The following UIMC1 variants were observed in gnomAD, a reference collection of about 807,000 sequenced individuals.
UIMC1 encodes the protein BRCA1-A complex subunit RAP80.
In UIMC1, 42 loss-of-function variants were observed where a neutral mutation model predicts 84.9. The ratio of observed to expected loss-of-function variants is 0.49; its 90% CI spans 0.39 to 0.64. The LOEUF (loss-of-function observed/expected upper bound fraction) is 0.64, where lower values mean the gene tolerates loss of function less well. UIMC1 is among the 30% of genes least tolerant of loss of function. UIMC1 has a pLI of 0.00. For missense variants in UIMC1, 825 were observed against 847.6 expected (o/e 0.97, Z 0.33); for synonymous variants, 281 against 293.0 (o/e 0.96, Z 0.42).
chr5:176,956,125 A>T, intron 7 of UIMC1, 90 bp from the exon 8 acceptor site: 1 of 1,212,564 alleles, frequency 8.2e-7, no homozygotes, highest in Non-Finnish European at 1.2e-6. Flanking sequence ...ACAAAGCCAC[A>T]GGTAATCACA....
At chr5:176,911,112 GAAGAAAAGAAAAGAAAAGAAAAGAA>G (rs35830185) in intron 11 of UIMC1, among the ~76,000 whole-genome samples, 174 bp downstream of exon 11, 4,294 of 116,912 alleles carry the variant, frequency 0.037, 152 homozygotes, top group African/African-American at 0.084. Context: ...GAGAGAGAGA[GAAGAAAAGAAAAGAAAAGAAAAGAA>G]AAGAAAAGAA....
At chr5:176,978,506 T>A (rs1488514024) in intron 2 of UIMC1, among the ~76,000 whole-genome samples, 1 of 152,084 alleles carries the variant, frequency 6.6e-6, no homozygotes, top group Non-Finnish European at 1.5e-5. Flanking sequence ...AATAATAAGC[T>A]TTCCTTCTCT....
rs1277965402 is a variant in UIMC1, at chr5:176,943,321, T to C, written c.1597+14A>G. 1.9e-6 allele frequency: 3 copies of C among 1,612,280 alleles called. No individual in the cohort carries two copies. Among genetic ancestry groups the C allele is most frequent in the African/African-American group, 2.7e-5 (2 of 74,802 alleles). ...CAAAAAAGTAAGAGTTTGGCTGTCC[T>C]GCTGGGTCTTTACCTGTATCTTCCT... On this transcript the variant is annotated intron_variant, in intron 10 of 14. Transcript: ENST00000511320.
intron 13 of UIMC1, among the ~76,000 whole-genome samples, chr5:176,906,723 G>A (rs943530887): frequency 6.6e-6 from 1 of 152,142 alleles, no homozygotes; most frequent in Non-Finnish European, 1.5e-5. Context: ...CACAGGTTGC[G>A]ACACTAAGAT....
chr5:176,969,302 T>C lies in UIMC1; in HGVS notation c.464-11A>G. On this transcript the variant is annotated splice_polypyrimidine_tract_variant and intron_variant, in intron 5 of 14. Coordinates refer to ENST00000511320, the MANE Select transcript of UIMC1 (RefSeq NM_001199298.2). ...CCAGCTGCCATATGCCTGTAGGTAT[T>C]TGAGAAAAAGTAGGGCTAAGGACAA... 6.3e-7 allele frequency: 1 copy of C among 1,589,300 alleles called. No individual in the cohort carries two copies. Among genetic ancestry groups the C allele is most frequent in the Non-Finnish European group, 8.5e-7 (1 of 1,170,464 alleles).
At chr5:176,923,630 G>A (rs1419056240) in intron 10 of UIMC1, among the ~76,000 whole-genome samples, 3 of 151,720 alleles carry the variant, frequency 2.0e-5, no homozygotes, top group Non-Finnish European at 2.9e-5. Flanking sequence ...TTGGGAGGCT[G>A]AGGCGGACAG....
At chr5:176,924,834 A>G (rs1335359950) in intron 10 of UIMC1, among the ~76,000 whole-genome samples, 1 of 151,910 alleles carries the variant, frequency 6.6e-6, no homozygotes, top group African/African-American at 2.4e-5. Context: ...AGGTCAGGAG[A>G]TCAAGACCAT....
intron 1 of UIMC1, chr5:177,022,397 T>C (rs964422754): frequency 3.9e-6 from 1 of 256,862 alleles, no homozygotes; most frequent in Admixed American, 5.4e-5. Context: ...TCCCTGTGAA[T>C]GAAATGGCGA....
At chr5:176,992,646 A>AT (rs397817427) in intron 1 of UIMC1, among the ~76,000 whole-genome samples, 7 of 149,302 alleles carry the variant, frequency 4.7e-5, no homozygotes, top group East Asian at 3.9e-4. Context: ...AAAAAAAAAA[A>AT]TTTTTTTTAA....
intron 10 of UIMC1, among the ~76,000 whole-genome samples, chr5:176,929,755 A>ACC (rs199763067): frequency 0.012 from 1,802 of 152,316 alleles, 68 homozygotes; most frequent in Admixed American, 0.088. Flanking sequence ...ACACACACAC[A>ACC]AAGTCCTTTT....
chr5:176,974,100 A>G (rs1308447533), intron 3 of UIMC1, among the ~76,000 whole-genome samples: 1 of 152,180 alleles, frequency 6.6e-6, no homozygotes, highest in African/African-American at 2.4e-5. Flanking sequence ...TTAAATTTAT[A>G]TAGGAATGCA....
rs70991588 is a variant in UIMC1, at chr5:176,963,157, TAAAAAAAAAAAAA to T, written c.1201-5016_1201-5004del. On this transcript the variant is annotated intron_variant, in intron 6 of 14. Coordinates refer to ENST00000511320, the MANE Select transcript of UIMC1 (RefSeq NM_001199298.2). ...AAGAATTATCAATAAAAAAATAAATTAAAAAAAAAAAAAAAAAAAAAAAAAAAAAATTCAAAGA... is the reference window on the plus strand; with the variant it reads ...AAGAATTATCAATAAAAAAATAAATTAAAAAAAAAAAAAAAAATTCAAAGA... Among the ~76,000 whole-genome samples, 16 of 13,966 alleles carry T rather than the reference TAAAAAAAAAAAAA, an allele frequency of 1.1e-3. 5 individuals are homozygous for T. The highest frequency in any genetic ancestry group is 5.6e-3 in the South Asian group (2 of 354). The allele number at this position is 13,966 out of a possible 152,430, so 9.2% of individuals were successfully genotyped here.
chr5:176,934,383 G>A (rs956249719), intron 10 of UIMC1, among the ~76,000 whole-genome samples: 2 of 152,208 alleles, frequency 1.3e-5, no homozygotes, highest in African/African-American at 4.8e-5. Flanking sequence ...AGGAGTCAGA[G>A]TAAGCAGTCA....
intron 1 of UIMC1, among the ~76,000 whole-genome samples, chr5:177,022,155 T>C (rs775146565): frequency 5.9e-5 from 9 of 151,734 alleles, no homozygotes; most frequent in Admixed American, 2.6e-4. Flanking sequence ...AAGATAAAAT[T>C]TGGGGTCTGA....
intron 10 of UIMC1, among the ~76,000 whole-genome samples, chr5:176,923,650 G>C (rs2149409578): frequency 6.6e-6 from 1 of 151,616 alleles, no homozygotes; most frequent in Non-Finnish European, 1.5e-5. Context: ...GATCACTTGA[G>C]GTCAGCAGTT....
At chr5:176,966,288 G>A (rs1464168339) in intron 6 of UIMC1, among the ~76,000 whole-genome samples, 10 of 152,282 alleles carry the variant, frequency 6.6e-5, no homozygotes, top group South Asian at 2.1e-4. Flanking sequence ...AATAACTGTC[G>A]AAAGATAGGA....
At chr5:176,947,615 G>A (rs756220891) in intron 9 of UIMC1, among the ~76,000 whole-genome samples, 10 of 152,018 alleles carry the variant, frequency 6.6e-5, no homozygotes, top group Non-Finnish European at 1.5e-4. Flanking sequence ...TCAGGAGATG[G>A]AGACCATCCT....
intron 3 of UIMC1, among the ~76,000 whole-genome samples, chr5:176,972,113 A>G (rs1172013676): frequency 6.6e-6 from 1 of 152,098 alleles, no homozygotes; most frequent in Admixed American, 6.6e-5. Context: ...TTATAGAATT[A>G]TTACAGGCCA....
intron 10 of UIMC1, among the ~76,000 whole-genome samples, chr5:176,928,016 T>A (rs1762595911): frequency 6.6e-6 from 1 of 151,826 alleles, no homozygotes; most frequent in African/African-American, 2.4e-5. Context: ...CATGCCTGGC[T>A]GATTTTTAGT....
Sources: allele counts gnomAD v4.1 joint callset (sites outside exome capture counted in the v4.1 genomes callset), GRCh38; gene constraint gnomAD v4.1.1; transcripts MANE v1.5; gene names NCBI Gene and HGNC (gene_info 2026-07-23, HGNC 2026-07-21).